JAKMIP1: variants seen among roughly 807,000 people sequenced by gnomAD.
JAKMIP1 encodes janus kinase and microtubule interacting protein 1, also known as janus kinase and microtubule-interacting protein 1.
Under a neutral mutation model 113.0 loss-of-function variants are expected in JAKMIP1, and 33 were observed. The ratio of observed to expected loss-of-function variants is 0.29; its 90% CI spans 0.22 to 0.39. The LOEUF is 0.39. JAKMIP1 is among the 10% of genes least tolerant of loss of function. JAKMIP1 has a pLI of 1.00. For missense variants in JAKMIP1, 813 were observed against 1,080.5 expected (o/e 0.75, Z 3.47); for synonymous variants, 480 against 459.9 (o/e 1.04, Z -0.56).
rs1355552555 is a variant in JAKMIP1, at chr4:6,069,797, A to G, written c.1303-4789T>C. On this transcript the variant is annotated intron_variant, in intron 8 of 20. Transcript: ENST00000409021. The surrounding 1 kb of genome is among the most constrained non-coding windows in gnomAD (Gnocchi z 4.5). Reference sequence around the variant, plus strand: ...TTCAGTTTTGGCAAAATGAATGAAGAGTAAACATGTCTCCTCCATTTACAC... The same window carrying G: ...TTCAGTTTTGGCAAAATGAATGAAGGGTAAACATGTCTCCTCCATTTACAC... Among the ~76,000 whole-genome samples the G allele has an allele frequency of 1.3e-5, 2 of 151,974 alleles. No homozygotes were observed. Among genetic ancestry groups the G allele is most frequent in the East Asian group, 3.9e-4 (2 of 5,188 alleles).
Position 6,108,980 on chromosome 4 carries a change from A to G in JAKMIP1, c.130-3013T>C, listed in dbSNP as rs1714426045. Among the ~76,000 whole-genome samples the G allele has an allele frequency of 1.3e-5, 2 of 152,242 alleles. No individual in the cohort carries two copies. Among genetic ancestry groups the G allele is most frequent in the East Asian group, 1.9e-4 (1 of 5,202 alleles). On this transcript the variant is annotated intron_variant, in intron 2 of 20. Transcript: ENST00000409021. This position sits in a 1 kb window ranked among gnomAD's most constrained non-coding sequence, Gnocchi z 5.6. ...TGGCAGCTGAGAGGGCCTAGAAACA[A>G]TGACACCGCAGCAGTGATGGGCACG...
intron 8 of JAKMIP1, among the ~76,000 whole-genome samples, chr4:6,074,567 G>A (rs180989420): frequency 1.9e-4 from 29 of 152,348 alleles, no homozygotes; most frequent in Non-Finnish European, 4.0e-4. Flanking sequence ...ACTGGTTCTA[G>A]AACCTCCCAC....
At chr4:6,070,386 CCT>C (rs1470579907) in intron 8 of JAKMIP1, among the ~76,000 whole-genome samples, 1 of 152,246 alleles carries the variant, frequency 6.6e-6, no homozygotes, top group African/African-American at 2.4e-5. Context: ...AGAAGACGCA[CCT>C]TCAGTAAAAG....
intron 8 of JAKMIP1, among the ~76,000 whole-genome samples, chr4:6,072,224 T>C (rs888058522): frequency 5.9e-5 from 9 of 152,142 alleles, no homozygotes; most frequent in Non-Finnish European, 1.5e-5. Flanking sequence ...CTCTTTCCCC[T>C]CCAGCCCGCT....
intron 8 of JAKMIP1, among the ~76,000 whole-genome samples, chr4:6,070,869 A>G (rs1436482234): frequency 6.6e-6 from 1 of 152,220 alleles, no homozygotes; most frequent in Admixed American, 6.5e-5. Flanking sequence ...CAAAGTCTTC[A>G]GATTCACCTG....
At position 6,064,908 on chromosome 4, in the gene JAKMIP1, G is replaced by T. The variant is rs1455886876; in HGVS notation, c.1403C>A (p.Pro468Gln). The change falls in exon 9 of 21, where the codon CCA becomes CAA. Residue 468 changes from proline to glutamine, a missense_variant. By Grantham distance (76) the Pro-to-Gln change is moderately conservative. Coordinates refer to ENST00000409021, the MANE Select transcript of JAKMIP1 (RefSeq NM_001099433.2). This position sits in a 1 kb window ranked among gnomAD's most constrained non-coding sequence, Gnocchi z 4.3. ...SYNTDRTDRT[P>Q]ATPEEDLDDA... ...GTCCAAGTCTTCTTCGGGCGTGGCT[G>T]GGGTCCTGTCTGTCCTGTCTGTGTT... 6.2e-7 allele frequency: 1 copy of T among 1,614,170 alleles called. No homozygotes were observed. Among genetic ancestry groups the T allele is most frequent in the Admixed American group, 1.7e-5 (1 of 60,026 alleles).
rs1174644183 is a variant in JAKMIP1, at chr4:6,080,996, C to CACACACACACACAT, written c.1101+612_1101+613insATGTGTGTGTGTGT. Among the ~76,000 whole-genome samples, 1 of 151,732 alleles carries CACACACACACACAT rather than the reference C, an allele frequency of 6.6e-6. No individual in the cohort carries two copies. The highest frequency in any genetic ancestry group is 1.5e-5 in the Non-Finnish European group (1 of 67,936). On this transcript the variant is annotated intron_variant, in intron 6 of 20. Coordinates refer to ENST00000409021, the MANE Select transcript of JAKMIP1 (RefSeq NM_001099433.2). This position sits in a 1 kb window ranked among gnomAD's most constrained non-coding sequence, Gnocchi z 6.0. ...ACACAACAGCAATTACACACACACA[C>CACACACACACACAT]ACACACACACACACACACCTGCATC...
In JAKMIP1 at chr4:6,112,791, C is replaced by T. The variant is rs774836734; in HGVS notation, c.60G>A (p.Gln20=). ...TGGCCCGCAGCTCCTCGTTGGCCAT[C>T]TGCACCGCGTCCGTCTCCATCTCGG... ...EKPEMETDAV[Q]MANEELRAKL... is the part of the protein sequence containing the mutation. The change falls in exon 2 of 21, where the codon CAG becomes CAA. Residue 20 remains glutamine (Q), a synonymous_variant. Coordinates refer to ENST00000409021, the MANE Select transcript of JAKMIP1 (RefSeq NM_001099433.2). 4.3e-6 allele frequency: 7 copies of T among 1,614,150 alleles called. No individual in the cohort carries two copies. Among genetic ancestry groups the T allele is most frequent in the Non-Finnish European group, 5.9e-6 (7 of 1,180,050 alleles).
At chr4:6,127,277 C>T (rs1194426799) in intron 1 of JAKMIP1, among the ~76,000 whole-genome samples, 1 of 152,240 alleles carries the variant, frequency 6.6e-6, no homozygotes, top group Admixed American at 6.5e-5. Flanking sequence ...AGGGCATAGG[C>T]TGTTCCCCCA....
chr4:6,120,315 T>C (rs1195945840), intron 1 of JAKMIP1, among the ~76,000 whole-genome samples: 3 of 152,152 alleles, frequency 2.0e-5, no homozygotes, highest in Non-Finnish European at 4.4e-5. Context: ...GCTACAGCCA[T>C]ATTCCTACCC....
rs1720504206 is a variant in JAKMIP1 at position 6,143,967 on chromosome 4, A to G, written c.-147-30970T>C. Among the ~76,000 whole-genome samples, 1 of 152,140 alleles carries G rather than the reference A, an allele frequency of 6.6e-6. No homozygotes were observed. Among genetic ancestry groups the G allele is most frequent in the South Asian group, 2.1e-4 (1 of 4,832 alleles). On this transcript the variant is annotated intron_variant, in intron 1 of 20. Coordinates refer to ENST00000409021, the MANE Select transcript of JAKMIP1 (RefSeq NM_001099433.2). The surrounding 1 kb of genome is among the most constrained non-coding windows in gnomAD (Gnocchi z 4.9). ...GCAGGGACCACAGCATCTGCCTCAC[A>G]GGCATGCCAGGGGGTCAAAGCAGAG...
chr4:6,045,367 G>A (rs1049389200), intron 16 of JAKMIP1, among the ~76,000 whole-genome samples: 2 of 152,230 alleles, frequency 1.3e-5, no homozygotes, highest in African/African-American at 4.8e-5. Flanking sequence ...ATGTGCCGAG[G>A]TGAGTGAGAC....
At chr4:6,111,420 C>T (rs1027329943) in intron 2 of JAKMIP1, among the ~76,000 whole-genome samples, 2 of 152,226 alleles carry the variant, frequency 1.3e-5, no homozygotes, top group Non-Finnish European at 2.9e-5. Context: ...GCTTGCTCTA[C>T]CCTCAAGCCC....
At chr4:6,107,875 A>T (rs1714225662) in intron 2 of JAKMIP1, among the ~76,000 whole-genome samples, 1 of 152,078 alleles carries the variant, frequency 6.6e-6, no homozygotes, top group Non-Finnish European at 1.5e-5. Flanking sequence ...GCTGCCCCTC[A>T]AAGGCCCGTT....
rs1306725299 is a variant in JAKMIP1 at position 6,199,819 on chromosome 4, G to T, written c.-148+434C>A. 6.6e-6 allele frequency among the ~76,000 whole-genome samples: 1 copy of T among 151,626 alleles called. No homozygotes were observed. The highest frequency in any genetic ancestry group is 6.5e-5 in the Admixed American group (1 of 15,272). On this transcript the variant is annotated intron_variant, in intron 1 of 20. Transcript: ENST00000409021. The surrounding 1 kb of genome is among the most constrained non-coding windows in gnomAD (Gnocchi z 5.6). ...CTGTGACCTACCCTGCGGAAGACACGGAGGGGACGGGCCGGCCACACCCCC... is the reference window on the plus strand; with the variant it reads ...CTGTGACCTACCCTGCGGAAGACACTGAGGGGACGGGCCGGCCACACCCCC...
intron 12 of JAKMIP1, chr4:6,054,850 A>G (rs1353099150): frequency 4.4e-6 from 2 of 456,724 alleles, no homozygotes; most frequent in Admixed American, 4.7e-5. Flanking sequence ...GCCTCATAGC[A>G]CCATTACAGA....
At chr4:6,102,034 A>G (rs1713130736) in intron 3 of JAKMIP1, among the ~76,000 whole-genome samples, 1 of 152,024 alleles carries the variant, frequency 6.6e-6, no homozygotes, top group Admixed American at 6.6e-5. Context: ...CTTTCCATTG[A>G]TTTAGATCTC....
intron 16 of JAKMIP1, among the ~76,000 whole-genome samples, chr4:6,047,071 A>G (rs1715093103): frequency 6.6e-6 from 1 of 152,210 alleles, no homozygotes; most frequent in Admixed American, 6.5e-5. Flanking sequence ...TGAAATATGC[A>G]GCCTCCTGGA....
chr4:6,109,061 C>T (rs1714439808), intron 2 of JAKMIP1, among the ~76,000 whole-genome samples: 1 of 152,060 alleles, frequency 6.6e-6, no homozygotes, highest in South Asian at 2.1e-4. Flanking sequence ...GAACCAGGAC[C>T]CCTTAGAGAA....
Sources: allele counts gnomAD v4.1 joint callset (sites outside exome capture counted in the v4.1 genomes callset), GRCh38; gene constraint gnomAD v4.1.1; non-coding constraint Gnocchi (gnomAD v3.1); transcripts MANE v1.5; gene names NCBI Gene and HGNC (gene_info 2026-07-23, HGNC 2026-07-21).